EEIG2: variants seen among roughly 807,000 people sequenced by gnomAD.
The protein encoded by EEIG2 is family with sequence similarity 102 member B.
chr1:108,561,865 T>G, the EEIG2 span, among the ~76,000 whole-genome samples: 1 of 152,222 alleles, frequency 6.6e-6, no homozygotes, highest in Non-Finnish European at 1.5e-5. Flanking sequence ...AGGCCTAGAC[T>G]GTTTTGCTGC....
the EEIG2 span, among the ~76,000 whole-genome samples, chr1:108,617,633 T>TC: frequency 6.6e-5 from 10 of 152,082 alleles, no homozygotes; most frequent in African/African-American, 1.9e-4. Flanking sequence ...GAGACTTGAA[T>TC]AAGTAACTAG....
chr1:108,560,413 G>A, the EEIG2 span: 6 of 1,578,254 alleles, frequency 3.8e-6, no homozygotes, highest in Non-Finnish European at 5.1e-6. Flanking sequence ...CAGCTTGCAG[G>A]CGCCTGGCTC....
chr1:108,606,220 C>T, the EEIG2 span: 1 of 1,551,258 alleles, frequency 6.4e-7, no homozygotes, highest in African/African-American at 1.4e-5. Context: ...CTGTCTTTGG[C>T]AGGAATTAAA....
At chr1:108,612,649 T>G in the EEIG2 span, among the ~76,000 whole-genome samples, 1 of 152,238 alleles carries the variant, frequency 6.6e-6, no homozygotes. Context: ...CTGCGATAGG[T>G]ACATAGAAGC....
chr1:108,631,915 A>G, the EEIG2 span, among the ~76,000 whole-genome samples: 1 of 151,908 alleles, frequency 6.6e-6, no homozygotes, highest in Admixed American at 6.6e-5. Flanking sequence ...GGAGTTCAAG[A>G]CCAGCCTGGC....
chr1:108,560,394 C>T, the EEIG2 span: 2 of 1,536,980 alleles, frequency 1.3e-6, no homozygotes, highest in Admixed American at 2.0e-5. Context: ...CGGCGCCCGG[C>T]CGTGCGCCCA....
the EEIG2 span, among the ~76,000 whole-genome samples, chr1:108,614,051 C>T: frequency 6.6e-6 from 1 of 151,860 alleles, no homozygotes; most frequent in African/African-American, 2.4e-5. Context: ...CTCTTAGTCT[C>T]CTACTCACTT....
the EEIG2 span, among the ~76,000 whole-genome samples, chr1:108,566,652 G>A: frequency 1.3e-5 from 2 of 151,904 alleles, no homozygotes; most frequent in African/African-American, 4.8e-5. Flanking sequence ...CAGATGAATG[G>A]ATAAAGAAGA....
At chr1:108,624,813 T>G in the EEIG2 span, 1 of 1,338,822 alleles carries the variant, frequency 7.5e-7, no homozygotes, top group East Asian at 2.3e-5. Flanking sequence ...TAAAAATTCT[T>G]TGGGAATTGT....
chr1:108,628,327 G>C, the EEIG2 span: 2 of 1,611,014 alleles, frequency 1.2e-6, no homozygotes, highest in Admixed American at 1.7e-5. Context: ...GCTGTGGTGT[G>C]GGGGAACGAT....
chr1:108,628,100 A>G, the EEIG2 span: 6 of 1,334,178 alleles, frequency 4.5e-6, no homozygotes, highest in East Asian at 1.4e-4. Context: ...AAGTCTGCAG[A>G]GTAGAATACA....
At chr1:108,619,752 C>T in the EEIG2 span, among the ~76,000 whole-genome samples, 1 of 152,082 alleles carries the variant, frequency 6.6e-6, no homozygotes, top group Admixed American at 6.6e-5. Context: ...ATTAGCCAGG[C>T]GTGGTGGTGC....
At chr1:108,612,559 C>T in the EEIG2 span, among the ~76,000 whole-genome samples, 13 of 152,148 alleles carry the variant, frequency 8.5e-5, no homozygotes, top group Admixed American at 3.3e-4. Context: ...AACATAAGAG[C>T]TCATTGGGAG....
chr1:108,592,339 T>C, the EEIG2 span, among the ~76,000 whole-genome samples: 2 of 152,270 alleles, frequency 1.3e-5, no homozygotes, highest in Admixed American at 6.5e-5. Context: ...ATTAGTGTTA[T>C]GCTGTACTCT....
chr1:108,599,944 G>A, the EEIG2 span, among the ~76,000 whole-genome samples: 6 of 152,030 alleles, frequency 3.9e-5, no homozygotes, highest in South Asian at 2.1e-4. Context: ...TGCAGTGAGC[G>A]GAGATCACAC....
the EEIG2 span, among the ~76,000 whole-genome samples, chr1:108,615,934 C>T: frequency 6.6e-6 from 1 of 152,066 alleles, no homozygotes; most frequent in East Asian, 1.9e-4. Flanking sequence ...TTAGGTACCA[C>T]AGGAATTTGG....
At chr1:108,583,079 A>G in the EEIG2 span, among the ~76,000 whole-genome samples, 1 of 152,214 alleles carries the variant, frequency 6.6e-6, no homozygotes, top group South Asian at 2.1e-4. Flanking sequence ...ATCTTAAAAT[A>G]TAGCTTTCCA....
the EEIG2 span, among the ~76,000 whole-genome samples, chr1:108,580,780 C>T: frequency 1.3e-5 from 2 of 152,132 alleles, no homozygotes; most frequent in Non-Finnish European, 2.9e-5. Context: ...TAGGTTGATT[C>T]ACAGGGCTTA....
chr1:108,595,459 T>G, the EEIG2 span, among the ~76,000 whole-genome samples: 12 of 96,830 alleles, frequency 1.2e-4, no homozygotes, highest in South Asian at 3.5e-4. Flanking sequence ...GGAGGAAGGA[T>G]GGAAGGAAGG....
Sources: allele counts gnomAD v4.1 joint callset (sites outside exome capture counted in the v4.1 genomes callset), GRCh38; gene constraint gnomAD v4.1.1; transcripts MANE v1.5; gene names NCBI Gene and HGNC (gene_info 2026-07-23, HGNC 2026-07-21).